Variants in IMPG2 observed in about 807,000 individuals in gnomAD.
The protein encoded by IMPG2 is IPM 200.
IMPG2 carries 91 observed loss-of-function variants against 129.2 expected under a neutral mutation model. That is an observed-to-expected ratio of 0.70 (90% CI 0.59 to 0.84). The LOEUF (loss-of-function observed/expected upper bound fraction) is 0.84, where lower values mean the gene tolerates loss of function less well. IMPG2 is among the 40% of genes least tolerant of loss of function. IMPG2 has a pLI of 0.00. For synonymous variants in IMPG2, 510 were observed against 517.7 expected (o/e 0.99, Z 0.20); for missense variants, 1,430 against 1,461.7 (o/e 0.98, Z 0.35).
At chr3:101,313,932 T>C (rs1576774074) in intron 2 of IMPG2, among the ~76,000 whole-genome samples, 1 of 152,142 alleles carries the variant, frequency 6.6e-6, no homozygotes, top group African/African-American at 2.4e-5. Context: ...GTTGTATTTC[T>C]ATATACTAGC....
intron 14 of IMPG2, among the ~76,000 whole-genome samples, chr3:101,237,841 G>A (rs1277577094): frequency 6.6e-6 from 1 of 152,046 alleles, no homozygotes; most frequent in Non-Finnish European, 1.5e-5. Context: ...CTCCTTGCCA[G>A]CAAGGGAACA....
chr3:101,263,955 T>C (rs550965156), intron 9 of IMPG2, among the ~76,000 whole-genome samples: 1 of 151,328 alleles, frequency 6.6e-6, no homozygotes, highest in South Asian at 2.1e-4. Flanking sequence ...ATTTAGAGAC[T>C]ACTATGAATA....
intron 11 of IMPG2, among the ~76,000 whole-genome samples, chr3:101,250,598 G>A (rs1706533380): frequency 6.6e-6 from 1 of 152,200 alleles, no homozygotes; most frequent in Non-Finnish European, 1.5e-5. Context: ...CAAGTCTCTA[G>A]ATTTCTCAGT....
At chr3:101,309,186 T>C (rs879031853) in intron 2 of IMPG2, among the ~76,000 whole-genome samples, 1 of 152,148 alleles carries the variant, frequency 6.6e-6, no homozygotes, top group Non-Finnish European at 1.5e-5. Context: ...CCTGTCTTCT[T>C]CGGGGCCCTC....
At chr3:101,258,043 A>G (rs369028287) in intron 9 of IMPG2, among the ~76,000 whole-genome samples, 1 of 152,064 alleles carries the variant, frequency 6.6e-6, no homozygotes, top group African/African-American at 2.4e-5. Context: ...TTCTTCCCCT[A>G]TGTTCTCACT....
Position 101,297,519 on chromosome 3 carries a change from T to C in IMPG2, c.502-6009A>G, listed in dbSNP as rs1707093460. 4.6e-5 allele frequency among the ~76,000 whole-genome samples: 7 copies of C among 152,240 alleles called. No homozygotes were observed. The South Asian group carries it at 1.4e-3, about 31-fold the overall frequency. ...ATGTCAATTTTAGATCTTTCCTGCT[T>C]TCTCTTGTGGGCATTTAGTGCTATA... On this transcript the variant is annotated intron_variant, in intron 3 of 18. Coordinates refer to ENST00000193391, the MANE Select transcript of IMPG2 (RefSeq NM_016247.4).
chr3:101,263,259 T>A (rs1706689135), intron 9 of IMPG2, among the ~76,000 whole-genome samples: 1 of 152,034 alleles, frequency 6.6e-6, no homozygotes, highest in Non-Finnish European at 1.5e-5. Flanking sequence ...GAATACACAC[T>A]GTTTTCATCA....
chr3:101,275,591 T>C, intron 6 of IMPG2, 72 bp downstream of exon 6: 3 of 1,107,058 alleles, frequency 2.7e-6, no homozygotes, highest in Non-Finnish European at 4.2e-6. Context: ...AGTCCAGCAA[T>C]GGGAGATAAA....
chr3:101,319,672 A>T lies in IMPG2; in HGVS notation c.246T>A (p.Ser82=). 1 of 1,613,736 alleles carries T rather than the reference A, an allele frequency of 6.2e-7. No individual in the cohort carries two copies. The highest frequency in any genetic ancestry group is 1.1e-5 in the South Asian group (1 of 91,084). ...ERQWLIRRRR[S]ILFPNGVKIC... is the part of the protein sequence containing the mutation. ...TTTTCACTCCATTAGGAAACAGAAT[A>T]GATCTCCGCCTTCTGATTAACCACT... The change falls in exon 2 of 19, where the codon TCT becomes TCA. Residue 82 remains serine, a synonymous_variant. Coordinates refer to ENST00000193391, the MANE Select transcript of IMPG2 (RefSeq NM_016247.4).
chr3:101,240,924 C>T (rs182872131), intron 14 of IMPG2, among the ~76,000 whole-genome samples: 37 of 152,274 alleles, frequency 2.4e-4, no homozygotes, highest in African/African-American at 8.4e-4. Flanking sequence ...CTTCTCACTC[C>T]TCAACCTCTG....
At position 101,228,049 on chromosome 3, in the gene IMPG2, T is replaced by C. The variant is rs568329155; in HGVS notation, c.3713+748A>G. Among the ~76,000 whole-genome samples the C allele has an allele frequency of 4.6e-5, 7 of 152,274 alleles. No homozygotes were observed. In the South Asian group the frequency reaches 1.2e-3, roughly 27 times the overall value. On this transcript the variant is annotated intron_variant, in intron 18 of 18. Coordinates refer to ENST00000193391, the MANE Select transcript of IMPG2 (RefSeq NM_016247.4). ...ACAAACACTTCCACGAAGGCAACAG[T>C]AGGACCAAATATCAATACCAAACTG...
chr3:101,301,916 T>C (rs533570758), intron 3 of IMPG2, among the ~76,000 whole-genome samples: 181 of 152,340 alleles, frequency 1.2e-3, no homozygotes, highest in African/African-American at 4.0e-3. Flanking sequence ...GCAACTTACC[T>C]ACCTACAACC....
Position 101,315,927 on chromosome 3 carries a change from A to T in IMPG2, c.334+3657T>A, listed in dbSNP as rs544434351. Among the ~76,000 whole-genome samples the T allele has an allele frequency of 1.2e-4, 18 of 151,440 alleles. No individual in the cohort carries two copies. The South Asian group carries it at 3.7e-3, about 31-fold the overall frequency. On this transcript the variant is annotated intron_variant, in intron 2 of 18. Coordinates refer to ENST00000193391, the MANE Select transcript of IMPG2 (RefSeq NM_016247.4). ...AAATAAGACACTATGGTATTGGCAT[A>T]AAAATAGACAAATAAGTGGAACAGA...
intron 2 of IMPG2, among the ~76,000 whole-genome samples, chr3:101,311,412 C>A (rs1311896512): frequency 6.6e-6 from 1 of 151,870 alleles, no homozygotes; most frequent in Admixed American, 6.6e-5. Context: ...CAGTTGTATG[C>A]CTGTATGATA....
intron 2 of IMPG2, among the ~76,000 whole-genome samples, chr3:101,312,484 A>G (rs970073375): frequency 6.6e-5 from 10 of 152,110 alleles, no homozygotes; most frequent in African/African-American, 2.4e-4. Context: ...TTTCAAACCT[A>G]TAAGAATGGT....
At chr3:101,272,011 G>T (rs544871182) in intron 7 of IMPG2, among the ~76,000 whole-genome samples, 1 of 151,982 alleles carries the variant, frequency 6.6e-6, no homozygotes, top group East Asian at 1.9e-4. Flanking sequence ...ACCCTCCCAG[G>T]CCCATCACAC....
intron 3 of IMPG2, among the ~76,000 whole-genome samples, chr3:101,292,948 C>A (rs1707038260): frequency 6.6e-6 from 1 of 152,188 alleles, no homozygotes; most frequent in Non-Finnish European, 1.5e-5. Flanking sequence ...AGCAATTTAG[C>A]CTCATCTTCA....
In IMPG2 at chr3:101,244,112, T is replaced by G. The variant is rs776598377; in HGVS notation, c.2219A>C (p.Asp740Ala). ...SASTDKSDQA[D>A]AILREDMEQI... is the part of the protein sequence containing the mutation. ...TTCCATATCCTCCCTTAGGATGGCA[T>G]CTGCCTGATCTGATTTATCAGTAGA... Residue 740 changes from aspartate (D) to alanine (A), a missense_variant, in exon 13 of 19, where the codon GAT becomes GCT. By Grantham distance (126) the Asp-to-Ala change is moderately radical. Transcript: ENST00000193391. The G allele has an allele frequency of 5.0e-6, 8 of 1,614,000 alleles. No individual in the cohort carries two copies. The highest frequency in any genetic ancestry group is 1.1e-5 in the South Asian group (1 of 91,092).
In IMPG2 at chr3:101,244,261, G is replaced by A. The variant is rs367657809; in HGVS notation, c.2070C>T (p.Phe690=). Reference sequence around the variant, plus strand: ...ACGCAGATTCAGCTGCAGTATCTGCGAAGATGGGCACAGCAGGCCCACTAA... The same window carrying A: ...ACGCAGATTCAGCTGCAGTATCTGCAAAGATGGGCACAGCAGGCCCACTAA... The part of the protein sequence containing the change: ...EPLSGPAVPI[F]ADTAAESASL... Residue 690 remains phenylalanine (F), a synonymous_variant, in exon 13 of 19, where the codon TTC becomes TTT. Transcript: ENST00000193391. The A allele has an allele frequency of 6.0e-5, 97 of 1,613,882 alleles. No individual in the cohort carries two copies. The highest frequency in any genetic ancestry group is 2.7e-4 in the East Asian group (12 of 44,844).
Sources: gnomAD v4.1 joint callset for allele counts (sites outside exome capture counted in the v4.1 genomes callset) on GRCh38, gnomAD v4.1.1 for gene constraint, MANE v1.5 for transcripts, NCBI Gene and HGNC (gene_info 2026-07-23, HGNC 2026-07-21) for gene names.